Variants in TXLNB observed in about 807,000 individuals in gnomAD.
TXLNB encodes beta-taxilin.
In TXLNB, 37 loss-of-function variants were observed where a neutral mutation model predicts 57.4. That is an observed-to-expected ratio of 0.64 (90% CI 0.50 to 0.85). The LOEUF is 0.85. TXLNB is among the 40% of genes least tolerant of loss of function. The probability of loss-of-function intolerance (pLI) is 0.00; values close to 1 mark genes in which losing one functional copy is unlikely to be tolerated. For missense variants in TXLNB, 848 were observed against 825.6 expected (o/e 1.03, Z -0.33); for synonymous variants, 302 against 309.6 (o/e 0.98, Z 0.26).
the TXLNB span, among the ~76,000 whole-genome samples, chr6:139,223,274 T>C: frequency 6.6e-6 from 1 of 152,224 alleles, no homozygotes; most frequent in South Asian, 2.1e-4. Context: ...ATAAGAAACA[T>C]AGTAGATCAA....
chr6:139,235,909 C>T (rs972712473), downstream of TXLNB, among the ~76,000 whole-genome samples: 9 of 152,078 alleles, frequency 5.9e-5, no homozygotes, highest in South Asian at 4.1e-4. Context: ...AGCAGAGGAG[C>T]GGAAGAGCAC....
the TXLNB span, among the ~76,000 whole-genome samples, chr6:139,223,425 C>T: frequency 6.6e-6 from 1 of 151,946 alleles, no homozygotes; most frequent in Non-Finnish European, 1.5e-5. Flanking sequence ...AAGAAATTAA[C>T]ACAATGAATG....
At chr6:139,214,626 C>T in the TXLNB span, among the ~76,000 whole-genome samples, 20 of 152,200 alleles carry the variant, frequency 1.3e-4, no homozygotes, top group Non-Finnish European at 1.9e-4. Context: ...AAGTTCTGGC[C>T]AGGGCAATCA....
At position 139,242,699 on chromosome 6, in the gene TXLNB, C is replaced by T; in HGVS notation, c.1882G>A (p.Ala628Thr). Residue 628 changes from alanine to threonine, a missense_variant, in exon 10 of 10, where the codon GCA becomes ACA. Transcript: ENST00000358430. ...GCGCATGCTGGAGCAGGCACATCTG[C>T]CTCCATCTTCTGTAGGGAGGCCTCG... ...PTEASLQKME[A>T]DVPAPACAAE... 1.2e-6 allele frequency: 2 copies of T among 1,611,456 alleles called. No homozygotes were observed. The highest frequency in any genetic ancestry group is 1.7e-6 in the Non-Finnish European group (2 of 1,179,116).
At chr6:139,183,755 T>C in the TXLNB span, among the ~76,000 whole-genome samples, 1 of 152,310 alleles carries the variant, frequency 6.6e-6, no homozygotes, top group Non-Finnish European at 1.5e-5. Flanking sequence ...GAGCAGCCTT[T>C]GAGAGAGGTT....
Position 139,243,225 on chromosome 6 carries a change from G to C in TXLNB, c.1356C>G (p.Asn452Lys). 6.2e-7 allele frequency: 1 copy of C among 1,614,020 alleles called. No homozygotes were observed. The highest frequency in any genetic ancestry group is 1.1e-5 in the South Asian group (1 of 91,076). The change falls in exon 10 of 10, where the codon AAC becomes AAG. Residue 452 changes from asparagine to lysine, a missense_variant. Physicochemically the swap from Asn to Lys is moderately conservative, Grantham distance 94 (BLOSUM62 0). Coordinates refer to ENST00000358430, the MANE Select transcript of TXLNB (RefSeq NM_153235.4). ...NLCRALQEERNELHKKIRDAE... is the reference protein window; with the variant it reads ...NLCRALQEERKELHKKIRDAE... ...CGTCTCTGATTTTTTTGTGGAGTTC[G>C]TTTCTCTCTTCTTGTAAAGCACGGC...
chr6:139,190,243 G>A, the TXLNB span, among the ~76,000 whole-genome samples: 7 of 152,012 alleles, frequency 4.6e-5, no homozygotes, highest in Admixed American at 3.3e-4. Context: ...GTAGAGGTTG[G>A]GGAGTCTAAG....
Position 139,256,580 on chromosome 6 carries a change from G to A in TXLNB, c.1003-942C>T, listed in dbSNP as rs774637240. On this transcript the variant is annotated intron_variant, in intron 6 of 9. Transcript: ENST00000358430. ...CCTGACCTCGTGATCTGCCCGCCTCGGCCTCCCAAAGTGCTGGGATCATAG... is the reference window on the plus strand; with the variant it reads ...CCTGACCTCGTGATCTGCCCGCCTCAGCCTCCCAAAGTGCTGGGATCATAG... 5.3e-5 allele frequency among the ~76,000 whole-genome samples: 8 copies of A among 152,182 alleles called. No homozygotes were observed. The East Asian group carries it at 1.2e-3, about 22-fold the overall frequency.
the TXLNB span, among the ~76,000 whole-genome samples, chr6:139,204,640 G>T: frequency 6.6e-6 from 1 of 152,146 alleles, no homozygotes; most frequent in Non-Finnish European, 1.5e-5. Context: ...CTAGGCACCT[G>T]GCATTGTGGG....
At chr6:139,193,611 T>A in the TXLNB span, among the ~76,000 whole-genome samples, 1 of 151,334 alleles carries the variant, frequency 6.6e-6, no homozygotes, top group Non-Finnish European at 1.5e-5. Context: ...AGAGGGCAGG[T>A]GGAAGTCTTT....
the TXLNB span, among the ~76,000 whole-genome samples, chr6:139,222,072 T>A: frequency 6.6e-6 from 1 of 151,962 alleles, no homozygotes; most frequent in Non-Finnish European, 1.5e-5. Flanking sequence ...ATAAAACAGA[T>A]GGCACAAGTA....
the TXLNB span, among the ~76,000 whole-genome samples, chr6:139,191,287 A>G: frequency 6.6e-6 from 1 of 152,242 alleles, no homozygotes; most frequent in East Asian, 1.9e-4. Context: ...GCTTGGTGGC[A>G]CATGCCTGTA....
upstream of TXLNB, among the ~76,000 whole-genome samples, chr6:139,295,347 C>CG (rs1385985325): frequency 6.6e-6 from 1 of 152,138 alleles, no homozygotes; most frequent in Non-Finnish European, 1.5e-5. Context: ...GTCAAATCAA[C>CG]GTTAAAAGAA....
At chr6:139,322,259 G>A in the TXLNB span, among the ~76,000 whole-genome samples, 1 of 152,166 alleles carries the variant, frequency 6.6e-6, no homozygotes, top group Non-Finnish European at 1.5e-5. Context: ...CCTGGAGGCT[G>A]AGAAGATCAA....
intron 2 of TXLNB, among the ~76,000 whole-genome samples, chr6:139,280,506 G>C (rs1277720259): frequency 6.6e-6 from 1 of 151,434 alleles, no homozygotes; most frequent in Non-Finnish European, 1.5e-5. Context: ...TTAGCTGGGC[G>C]TGGTGGCGCA....
intron 8 of TXLNB, among the ~76,000 whole-genome samples, chr6:139,246,035 T>C (rs1217885801): frequency 2.6e-5 from 4 of 152,158 alleles, no homozygotes; most frequent in Admixed American, 2.6e-4. Context: ...TTTAAGAATG[T>C]GGTGAAAGCT....
Position 139,270,455 on chromosome 6 carries a change from C to A in TXLNB, c.687+1G>T, listed in dbSNP as rs760219998. The A allele has an allele frequency of 1.1e-5, 17 of 1,613,006 alleles. No individual in the cohort carries two copies. The East Asian group carries it at 3.6e-4, about 34-fold the overall frequency. On this transcript the variant is annotated splice_donor_variant, in intron 4 of 9. Coordinates refer to ENST00000358430, the MANE Select transcript of TXLNB (RefSeq NM_153235.4). LOFTEE classifies it high-confidence loss of function. ...TGTTATTCTGAGGCATGGGGACATA[C>A]CTTCAGAGTCTTGTTGTGTCTCTGC...
intron 5 of TXLNB, 72 bp from the exon 6 acceptor site, chr6:139,260,509 C>A: frequency 1.4e-6 from 2 of 1,444,316 alleles, no homozygotes; most frequent in South Asian, 1.2e-5. Flanking sequence ...TAAAATAATT[C>A]ACATTAATAC....
At chr6:139,237,230 A>C (rs761549118), downstream of TXLNB, 1 of 152,192 alleles carries the variant, frequency 6.6e-6, no homozygotes, top group Non-Finnish European at 1.5e-5. Context: ...GGCCGGGTGC[A>C]GTGGCTCACA....
Sources: gnomAD v4.1 joint callset for allele counts (sites outside exome capture counted in the v4.1 genomes callset) on GRCh38, gnomAD v4.1.1 for gene constraint, MANE v1.5 for transcripts, NCBI Gene and HGNC (gene_info 2026-07-23, HGNC 2026-07-21) for gene names.